PAPPA2: variants seen among roughly 807,000 people sequenced by gnomAD.
PAPPA2 encodes pappalysin 2, also known as pappalysin-2.
A neutral mutation model predicts 176.4 loss-of-function variants in PAPPA2; 86 were observed. The observed-to-expected ratio is 0.49, with a 90% CI of 0.41 to 0.58. The LOEUF (loss-of-function observed/expected upper bound fraction) is 0.58. Among genes scored for constraint, PAPPA2 ranks in the 20% least tolerant of loss-of-function variants. The pLI is 0.00. For missense variants in PAPPA2, 2,073 were observed against 2,256.9 expected (o/e 0.92, Z 1.65); for synonymous variants, 809 against 852.2 (o/e 0.95, Z 0.88).
At position 176,692,106 on chromosome 1, in the gene PAPPA2, C is replaced by T. The variant is rs779225162; in HGVS notation, c.2432-20C>T. On this transcript the variant is annotated intron_variant, in intron 5 of 22. Transcript: ENST00000367662. Reference sequence around the variant, plus strand: ...GGGTTAAAATCTCCATCTCTTGTGCCACCTTTTTTGTCTCCACAGATGATA... The same window carrying T: ...GGGTTAAAATCTCCATCTCTTGTGCTACCTTTTTTGTCTCCACAGATGATA... 1 of 1,593,060 alleles carries T rather than the reference C, an allele frequency of 6.3e-7. No homozygotes were observed. The highest frequency in any genetic ancestry group is 1.7e-5 in the Admixed American group (1 of 58,970).
intron 1 of PAPPA2, among the ~76,000 whole-genome samples, chr1:176,523,665 T>G (rs564661241): frequency 6.6e-6 from 1 of 152,358 alleles, no homozygotes; most frequent in South Asian, 2.1e-4. Context: ...TTGCCATGAC[T>G]CTGTAGTAGA....
intron 3 of PAPPA2, among the ~76,000 whole-genome samples, chr1:176,630,341 T>TA (rs1482603736): frequency 6.6e-6 from 1 of 152,150 alleles, no homozygotes; most frequent in Non-Finnish European, 1.5e-5. Flanking sequence ...TCTAGGCAGA[T>TA]AAGAAGTTTG....
Position 176,844,840 on chromosome 1 carries a change from T to C in PAPPA2, c.*2386T>C, listed in dbSNP as rs1347814358. The C allele has an allele frequency of 2.6e-5, 4 of 152,186 alleles. No individual in the cohort carries two copies. The East Asian group carries it at 5.8e-4, about 22-fold the overall frequency. The allele number at this position is 152,186 out of a possible 1,614,324, so 9.4% of individuals were successfully genotyped here. A position where few individuals can be genotyped will look rare whatever the true frequency, so the allele number is the denominator to read the frequency against. ...GGAGCCTGTGGTTCATGCCAGTGTG[T>C]GTCTTCATGCAGTCTCTCCACAAGA... is the stretch of plus-strand genomic sequence containing the variant. On this transcript the variant is annotated 3_prime_UTR_variant, in exon 23 of 23. Coordinates refer to ENST00000367662, the MANE Select transcript of PAPPA2 (RefSeq NM_020318.3).
chr1:176,527,541 G>A (rs1573001448), intron 1 of PAPPA2, among the ~76,000 whole-genome samples: 1 of 152,216 alleles, frequency 6.6e-6, no homozygotes, highest in East Asian at 1.9e-4. Flanking sequence ...GCCTGGCACA[G>A]AGTATATGCT....
intron 3 of PAPPA2, among the ~76,000 whole-genome samples, chr1:176,602,338 T>TGGA (rs1654373734): frequency 6.6e-6 from 1 of 152,152 alleles, no homozygotes; most frequent in African/African-American, 2.4e-5. Flanking sequence ...GGCTGGGAAT[T>TGGA]GTCCTGAGGG....
Position 176,800,060 on chromosome 1 carries a change from G to C in PAPPA2, c.5131-1G>C. 1 of 1,613,912 alleles carries C rather than the reference G, an allele frequency of 6.2e-7. No individual in the cohort carries two copies. Among genetic ancestry groups the C allele is most frequent in the Non-Finnish European group, 8.5e-7 (1 of 1,179,890 alleles). On this transcript the variant is annotated splice_acceptor_variant, in intron 20 of 22. Coordinates refer to ENST00000367662, the MANE Select transcript of PAPPA2 (RefSeq NM_020318.3). LOFTEE classifies it high-confidence loss of function. Reference sequence around the variant, plus strand: ...TCTGTTTTTCCCGTCTTTCCCCTTAGAGCATTGTGTGCACTGGCCGGCGTC... The same window carrying C: ...TCTGTTTTTCCCGTCTTTCCCCTTACAGCATTGTGTGCACTGGCCGGCGTC...
intron 1 of PAPPA2, among the ~76,000 whole-genome samples, chr1:176,490,138 A>G (rs1228934567): frequency 6.6e-6 from 1 of 150,848 alleles, no homozygotes; most frequent in African/African-American, 2.4e-5. Flanking sequence ...GTTTCTTTTA[A>G]GTGTCTTTTT....
intron 1 of PAPPA2, among the ~76,000 whole-genome samples, chr1:176,541,171 T>G (rs1299823867): frequency 6.6e-6 from 1 of 152,202 alleles, no homozygotes; most frequent in Admixed American, 6.5e-5. Flanking sequence ...TGTGTATATA[T>G]AGGGGACACA....
chr1:176,768,348 C>T (rs1308825790), intron 15 of PAPPA2, among the ~76,000 whole-genome samples: 3 of 152,144 alleles, frequency 2.0e-5, no homozygotes, highest in African/African-American at 7.2e-5. Context: ...GATGGCAGTT[C>T]CTCCTCCAGC....
chr1:176,792,574 A>T (rs893792021), intron 19 of PAPPA2, among the ~76,000 whole-genome samples: 1 of 152,172 alleles, frequency 6.6e-6, no homozygotes. Flanking sequence ...CTTAAGAGGA[A>T]TGTAGTTCTT....
chr1:176,828,428 T>G (rs1666941422), intron 21 of PAPPA2, among the ~76,000 whole-genome samples: 1 of 151,986 alleles, frequency 6.6e-6, no homozygotes, highest in Non-Finnish European at 1.5e-5. Context: ...TCAGATAATT[T>G]GTGTGCATCT....
At chr1:176,584,656 T>C (rs2102634026) in intron 2 of PAPPA2, among the ~76,000 whole-genome samples, 1 of 144,160 alleles carries the variant, frequency 6.9e-6, no homozygotes, top group Non-Finnish European at 1.5e-5. Flanking sequence ...GTATATTCTT[T>C]ATTTCTTACT....
At chr1:176,701,695 A>G (rs1482663297) in intron 8 of PAPPA2, among the ~76,000 whole-genome samples, 1 of 152,212 alleles carries the variant, frequency 6.6e-6, no homozygotes, top group African/African-American at 2.4e-5. Context: ...GAACCATGGC[A>G]GAATACTGAT....
chr1:176,652,201 C>T (rs1223330201), intron 3 of PAPPA2, among the ~76,000 whole-genome samples: 3 of 151,354 alleles, frequency 2.0e-5, no homozygotes, highest in Non-Finnish European at 4.4e-5. Context: ...ATCCTGGTTC[C>T]CTATTTGCTG....
At chr1:176,756,280 T>A (rs2102894298) in intron 14 of PAPPA2, among the ~76,000 whole-genome samples, 1 of 152,228 alleles carries the variant, frequency 6.6e-6, no homozygotes, top group East Asian at 1.9e-4. Context: ...TAAGTGGAAG[T>A]GTATCATCAT....
rs570920945 is a variant in PAPPA2 at position 176,474,773 on chromosome 1, A to G, written c.-917+11355A>G. Among the ~76,000 whole-genome samples the G allele has an allele frequency of 5.3e-5, 8 of 152,312 alleles. No individual in the cohort carries two copies. In the South Asian group the frequency reaches 1.7e-3, roughly 32 times the overall value. On this transcript the variant is annotated intron_variant, in intron 1 of 22. Transcript: ENST00000367662. ...TGTGAGCAAGAGGCTACCAGAAAAT[A>G]TGATTGTTTTCAAACCTGAATTGTG...
At chr1:176,583,229 TC>T (rs2102631751) in intron 2 of PAPPA2, among the ~76,000 whole-genome samples, 2 of 152,198 alleles carry the variant, frequency 1.3e-5, no homozygotes, top group East Asian at 3.9e-4. Flanking sequence ...TGTTTATTTT[TC>T]CTTTTATTTT....
intron 21 of PAPPA2, among the ~76,000 whole-genome samples, chr1:176,833,607 G>A (rs1184653946): frequency 6.6e-6 from 1 of 152,094 alleles, no homozygotes; most frequent in Non-Finnish European, 1.5e-5. Context: ...GATGCCAGAT[G>A]TGAAACTGAG....
intron 17 of PAPPA2, among the ~76,000 whole-genome samples, chr1:176,771,509 C>A (rs1233652842): frequency 6.6e-6 from 1 of 152,154 alleles, no homozygotes; most frequent in Admixed American, 6.5e-5. Context: ...CTGGCCTGGT[C>A]CCCAGTGCAG....
Sources: allele counts gnomAD v4.1 joint callset (sites outside exome capture counted in the v4.1 genomes callset), GRCh38; gene constraint gnomAD v4.1.1; transcripts MANE v1.5; gene names NCBI Gene and HGNC (gene_info 2026-07-23, HGNC 2026-07-21).